Variants in COL4A3 observed in about 807,000 individuals in gnomAD.
COL4A3 encodes collagen alpha-3(IV) chain.
A neutral mutation model predicts 217.4 loss-of-function variants in COL4A3; 135 were observed. The observed-to-expected ratio is 0.62, with a 90% CI of 0.54 to 0.72. COL4A3 has a LOEUF of 0.72. Among genes scored for constraint, COL4A3 ranks in the 30% least tolerant of loss-of-function variants. The pLI is 0.00. For synonymous variants in COL4A3, 690 were observed against 736.3 expected (o/e 0.94, Z 1.02); for missense variants, 1,868 against 2,119.9 (o/e 0.88, Z 2.33).
At chr2:227,190,902 A>T (rs1048598879) in intron 1 of COL4A3, among the ~76,000 whole-genome samples, 1 of 152,210 alleles carries the variant, frequency 6.6e-6, no homozygotes, top group African/African-American at 2.4e-5. Flanking sequence ...AATATGTCAT[A>T]ACTAATGAAA....
At position 227,312,618 on chromosome 2, in the gene COL4A3, CCT is replaced by C. The variant is rs2073783305; in HGVS notation, c.*749_*750del. ...TATTCCAAGCATATAAAATTTTCCC[CCT>C]TAGTGAATTAGTTTTAAAATGATAT... is the stretch of plus-strand genomic sequence containing the variant. On this transcript the variant is annotated 3_prime_UTR_variant, in exon 52 of 52. Transcript: ENST00000396578. The C allele has an allele frequency of 1.3e-5, 2 of 152,494 alleles. No homozygotes were observed. The highest frequency in any genetic ancestry group is 2.1e-4 in the South Asian group (1 of 4,806). 9.4% of individuals were successfully genotyped at this position (152,494 alleles called of 1,614,324 possible).
At chr2:227,210,722 A>G (rs368679963) in intron 1 of COL4A3, among the ~76,000 whole-genome samples, 27 of 152,366 alleles carry the variant, frequency 1.8e-4, no homozygotes, top group African/African-American at 6.3e-4. Flanking sequence ...GTAATCTACC[A>G]CAACTGCATT....
chr2:227,273,250 A>T, intron 26 of COL4A3, 133 bp downstream of exon 26: 1 of 974,082 alleles, frequency 1.0e-6, no homozygotes, highest in Non-Finnish European at 1.6e-6. Flanking sequence ...CAACTCACAG[A>T]TACCAGGAAA....
intron 1 of COL4A3, among the ~76,000 whole-genome samples, chr2:227,198,588 C>A (rs1304482495): frequency 2.0e-5 from 3 of 151,942 alleles, no homozygotes; most frequent in African/African-American, 7.3e-5. Flanking sequence ...AAAATGTATT[C>A]ATCTAACAAA....
In COL4A3 at chr2:227,303,864, A is replaced by G. The variant is rs375278276; in HGVS notation, c.3961A>G (p.Lys1321Glu). ...GTGTCTTTGTTTGTTTTTAGGAGAA[A>G]AGGGTAATCCTGGATTTCTAGGATC... ...FQGFPGVKGE[K>E]GNPGFLGSIG... The change falls in exon 45 of 52, where the codon AAG (lysine) becomes GAG (glutamate). Residue 1321 changes from lysine to glutamate, a missense_variant. By Grantham distance (56) the Lys-to-Glu change is moderately conservative (BLOSUM62 1). This residue lies in a region of COL4A3 where 1,503 missense variants were observed against 1,786.1 expected (regional missense o/e 0.84). Coordinates refer to ENST00000396578, the MANE Select transcript of COL4A3 (RefSeq NM_000091.5). The G allele has an allele frequency of 6.2e-7, 1 of 1,614,070 alleles. No homozygotes were observed. Among genetic ancestry groups the G allele is most frequent in the Admixed American group, 1.7e-5 (1 of 60,028 alleles).
At chr2:227,256,471 A>G (rs1280201130) in intron 17 of COL4A3, 75 bp downstream of exon 17, 1 of 1,159,850 alleles carries the variant, frequency 8.6e-7, no homozygotes, top group African/African-American at 1.5e-5. Context: ...CCAACCCTGG[A>G]CCTAAGTACA....
intron 1 of COL4A3, among the ~76,000 whole-genome samples, chr2:227,234,618 G>A (rs2068589619): frequency 6.6e-6 from 1 of 152,140 alleles, no homozygotes; most frequent in South Asian, 2.1e-4. Context: ...GTGTGACTAT[G>A]ACTGCACAAT....
intron 1 of COL4A3, among the ~76,000 whole-genome samples, chr2:227,225,709 C>CTTTTTTTTTTTTTTTTTTTTTTTTTTTT (rs71829862): frequency 7.9e-6 from 1 of 126,244 alleles, no homozygotes; most frequent in Non-Finnish European, 1.6e-5. Context: ...CTTTTTCTTT[C>CTTTTTTTTTTTTTTTTTTTTTTTTTTTT]TTTTTTTTTT....
At chr2:227,223,368 T>A (rs901100240) in intron 1 of COL4A3, among the ~76,000 whole-genome samples, 1 of 152,208 alleles carries the variant, frequency 6.6e-6, no homozygotes, top group African/African-American at 2.4e-5. Flanking sequence ...TGTGAACTGA[T>A]ACTATCAAGG....
chr2:227,294,442 T>C, intron 38 of COL4A3, 48 bp from the exon 39 acceptor site: 2 of 1,183,936 alleles, frequency 1.7e-6, no homozygotes, highest in Non-Finnish European at 2.5e-6. Flanking sequence ...TTGTAATCAT[T>C]TATCTTTTGG....
chr2:227,237,782 G>T, intron 1 of COL4A3, 186 bp from the exon 2 acceptor site: 1 of 557,762 alleles, frequency 1.8e-6, no homozygotes. Flanking sequence ...CATGTTCTCA[G>T]TTTTCTACTT....
intron 1 of COL4A3, among the ~76,000 whole-genome samples, chr2:227,200,362 C>A (rs191862864): frequency 2.0e-5 from 3 of 152,188 alleles, no homozygotes; most frequent in Admixed American, 6.5e-5. Flanking sequence ...CATCATCCCA[C>A]GTCATGCTGG....
At chr2:227,231,677 T>C (rs2068413842) in intron 1 of COL4A3, among the ~76,000 whole-genome samples, 1 of 152,124 alleles carries the variant, frequency 6.6e-6, no homozygotes, top group Non-Finnish European at 1.5e-5. Context: ...TGCACCACCA[T>C]GTCCAGCTAA....
chr2:227,311,059 AAAGACAAAAT>A, intron 51 of COL4A3, 111 bp downstream of exon 51: 1 of 1,128,956 alleles, frequency 8.9e-7, no homozygotes, highest in Non-Finnish European at 1.3e-6. Context: ...CTGTGCCAAT[AAAGACAAAAT>A]ATGGGTTTTG....
In COL4A3 at chr2:227,312,187, T is replaced by G; in HGVS notation, c.*317T>G. ...TTGTATGAAGTTTGAATGCTGCAAG[T>G]TATGAAATATTTGGCCCGCTGGATT... On this transcript the variant is annotated 3_prime_UTR_variant, in exon 52 of 52. Coordinates refer to ENST00000396578, the MANE Select transcript of COL4A3 (RefSeq NM_000091.5). The G allele has an allele frequency of 3.6e-6, 1 of 278,208 alleles. No individual in the cohort carries two copies. Among genetic ancestry groups the G allele is most frequent in the Non-Finnish European group, 7.0e-6 (1 of 143,190 alleles). 17.2% of individuals were successfully genotyped at this position (278,208 alleles called of 1,614,324 possible). A position where few individuals can be genotyped will look rare whatever the true frequency, so the allele number is the denominator to read the frequency against.
intron 1 of COL4A3, among the ~76,000 whole-genome samples, chr2:227,205,398 C>T (rs1010941163): frequency 6.6e-6 from 1 of 152,038 alleles, no homozygotes; most frequent in Non-Finnish European, 1.5e-5. Flanking sequence ...CCAATCTCTG[C>T]AAGGTACAAA....
chr2:227,222,337 G>A (rs555623753), intron 1 of COL4A3: 1 of 152,076 alleles, frequency 6.6e-6, no homozygotes, highest in South Asian at 2.1e-4. Flanking sequence ...TTTATACGTA[G>A]TGAAAGTTAT....
At chr2:227,294,448 T>C (rs551986364) in intron 38 of COL4A3, 42 bp from the exon 39 acceptor site, 1 of 1,217,394 alleles carries the variant, frequency 8.2e-7, no homozygotes, top group Non-Finnish European at 1.2e-6. Context: ...TCATTTATCT[T>C]TTGGTGATCT....
chr2:227,206,045 C>CT (rs1165372600), intron 1 of COL4A3, among the ~76,000 whole-genome samples: 2 of 151,900 alleles, frequency 1.3e-5, no homozygotes, highest in Non-Finnish European at 2.9e-5. Context: ...GGGGTGTAGC[C>CT]TGGGCATTAG....
Sources: gnomAD v4.1 joint callset for allele counts (sites outside exome capture counted in the v4.1 genomes callset) on GRCh38, gnomAD v4.1.1 for gene constraint, gnomAD v4.1.1 regional missense constraint, MANE v1.5 for transcripts, NCBI Gene and HGNC (gene_info 2026-07-23, HGNC 2026-07-21) for gene names.